The following SHROOM3 variants were observed in gnomAD, a reference collection of about 807,000 sequenced individuals.
SHROOM3 encodes protein Shroom3.
SHROOM3 carries 47 observed loss-of-function variants against 138.6 expected under a neutral mutation model. That is an observed-to-expected ratio of 0.34 (90% confidence interval 0.27 to 0.43). The LOEUF is 0.43. Ranked by LOEUF, SHROOM3 falls within the 20% of genes least tolerant of loss-of-function variation. The probability of loss-of-function intolerance (pLI) is 1.00; values close to 1 mark genes in which losing one functional copy is unlikely to be tolerated. For missense variants in SHROOM3, 2,491 were observed against 2,596.5 expected, an observed-to-expected ratio of 0.96 and a Z score of 0.88; for synonymous variants, 1,062 against 1,063.3, an observed-to-expected ratio of 1.00 and a Z score of 0.02.
chr4:76,638,032 G>T (rs963287508), intron 2 of SHROOM3, among the ~76,000 whole-genome samples: 2 of 152,168 alleles, frequency 1.3e-5, no homozygotes, highest in African/African-American at 4.8e-5. Flanking sequence ...GTGACTATGA[G>T]CTGGACACCT....
chr4:76,485,527 A>G (rs1239174802), intron 1 of SHROOM3, among the ~76,000 whole-genome samples: 2 of 152,320 alleles, frequency 1.3e-5, no homozygotes, highest in Admixed American at 6.5e-5. Flanking sequence ...CGTTTTGCAC[A>G]AAACAGGAAG....
Position 76,597,533 on chromosome 4 carries a change from G to A in SHROOM3, c.323+41770G>A, listed in dbSNP as rs377211227. Among the ~76,000 whole-genome samples, 7 of 152,094 alleles carry A rather than the reference G, an allele frequency of 4.6e-5. No individual in the cohort carries two copies. In the South Asian group the frequency reaches 1.5e-3, roughly 32 times the overall value. On this transcript the variant is annotated intron_variant, in intron 2 of 10. Coordinates refer to ENST00000296043, the MANE Select transcript of SHROOM3 (RefSeq NM_020859.4). Reference sequence around the variant, plus strand: ...AGTAGAGGGTCCCACAAATTCCCACGCACCCACCCTCCAGCTGGATGGCTC... The same window carrying A: ...AGTAGAGGGTCCCACAAATTCCCACACACCCACCCTCCAGCTGGATGGCTC...
chr4:76,762,873 C>T (rs1722030267), intron 9 of SHROOM3, among the ~76,000 whole-genome samples: 1 of 151,962 alleles, frequency 6.6e-6, no homozygotes, highest in Non-Finnish European at 1.5e-5. Context: ...GTTCCTGACT[C>T]AAGAGAGTAG....
At chr4:76,763,254 G>A (rs1578028989) in intron 9 of SHROOM3, among the ~76,000 whole-genome samples, 1 of 152,026 alleles carries the variant, frequency 6.6e-6, no homozygotes, top group Non-Finnish European at 1.5e-5. Context: ...AGGTGTGTTG[G>A]CGCACAACTG....
chr4:76,461,312 A>G (rs1250730280), intron 1 of SHROOM3, among the ~76,000 whole-genome samples: 2 of 152,246 alleles, frequency 1.3e-5, no homozygotes, highest in Non-Finnish European at 2.9e-5. Flanking sequence ...TGAATATCTC[A>G]TGTGGTACTC....
At position 76,772,221 on chromosome 4, in the gene SHROOM3, G is replaced by A. The variant is rs113922703; in HGVS notation, c.5622+1323G>A. On this transcript the variant is annotated intron_variant, in intron 10 of 10. Coordinates refer to ENST00000296043, the MANE Select transcript of SHROOM3 (RefSeq NM_020859.4). ...CGTATTCATGCCATTCTCATGCCTCGGCCTCCCAAGTAGCTGAGATTACAG... is the reference window on the plus strand; with the variant it reads ...CGTATTCATGCCATTCTCATGCCTCAGCCTCCCAAGTAGCTGAGATTACAG... Among the ~76,000 whole-genome samples the A allele has an allele frequency of 4.0e-3, 607 of 150,078 alleles. 1 individual carries two copies. The highest frequency in any genetic ancestry group is 0.014 in the African/African-American group (583 of 40,810).
chr4:76,556,406 C>T (rs931052971), intron 2 of SHROOM3, among the ~76,000 whole-genome samples: 14 of 152,200 alleles, frequency 9.2e-5, no homozygotes, highest in African/African-American at 3.4e-4. Flanking sequence ...TTTTACACAT[C>T]TTAGCTCATT....
chr4:76,640,098 C>G (rs1462940069), intron 2 of SHROOM3, among the ~76,000 whole-genome samples: 1 of 152,058 alleles, frequency 6.6e-6, no homozygotes, highest in Non-Finnish European at 1.5e-5. Flanking sequence ...TTATTACAAG[C>G]AGATAAAGGG....
chr4:76,466,512 G>C (rs1731252136), intron 1 of SHROOM3, among the ~76,000 whole-genome samples: 2 of 152,218 alleles, frequency 1.3e-5, no homozygotes, highest in African/African-American at 4.8e-5. Context: ...CAGGAACTAA[G>C]AGCAGTGTCT....
At chr4:76,645,116 T>G (rs993305758) in intron 2 of SHROOM3, among the ~76,000 whole-genome samples, 4 of 152,224 alleles carry the variant, frequency 2.6e-5, no homozygotes, top group Non-Finnish European at 4.4e-5. Flanking sequence ...TCTCTTTATC[T>G]CTTTTACAAG....
At chr4:76,720,217 C>A (rs1720500771) in intron 3 of SHROOM3, among the ~76,000 whole-genome samples, 2 of 124,354 alleles carry the variant, frequency 1.6e-5, no homozygotes, top group South Asian at 2.6e-4. Context: ...TCTTGAGGAG[C>A]CTGGAAGTAG....
chr4:76,465,795 T>C lies in SHROOM3; in HGVS notation c.168+29575T>C, dbSNP rs557946433. On this transcript the variant is annotated intron_variant, in intron 1 of 10. Coordinates refer to ENST00000296043, the MANE Select transcript of SHROOM3 (RefSeq NM_020859.4). ...CTGACTATTAGATTGTTGACAAATATAAGATTGCTGGGCCTTGGGAAAGCA... is the reference window on the plus strand; with the variant it reads ...CTGACTATTAGATTGTTGACAAATACAAGATTGCTGGGCCTTGGGAAAGCA... Among the ~76,000 whole-genome samples the C allele has an allele frequency of 4.3e-4, 65 of 152,314 alleles. No individual in the cohort carries two copies. The South Asian group carries it at 5.4e-3, about 13-fold the overall frequency.
Position 76,739,909 on chromosome 4 carries a change from A to G in SHROOM3, c.1736A>G (p.Gln579Arg). Residue 579 changes from glutamine to arginine, a missense_variant, in exon 5 of 11, where the codon CAA (glutamine) becomes CGA (arginine). Physicochemically the swap from Gln to Arg is conservative, Grantham distance 43. Coordinates refer to ENST00000296043, the MANE Select transcript of SHROOM3 (RefSeq NM_020859.4). The part of the protein sequence containing the change: ...ASLKRHLTPP[Q>R]GNSPHSNERK... ...CTGAAGAGACATCTCACACCTCCCC[A>G]AGGCAACAGCCCACATTCCAATGAG... is the stretch of plus-strand genomic sequence containing the variant. 1 of 1,614,206 alleles carries G rather than the reference A, an allele frequency of 6.2e-7. No homozygotes were observed. Among genetic ancestry groups the G allele is most frequent in the Admixed American group, 1.7e-5 (1 of 60,032 alleles).
At chr4:76,683,214 G>A (rs1355571671) in intron 2 of SHROOM3, among the ~76,000 whole-genome samples, 1 of 152,038 alleles carries the variant, frequency 6.6e-6, no homozygotes, top group Non-Finnish European at 1.5e-5. Flanking sequence ...TCTATTATGT[G>A]TTTTATTTTT....
chr4:76,498,620 A>G (rs1332989790), intron 1 of SHROOM3, among the ~76,000 whole-genome samples: 1 of 152,046 alleles, frequency 6.6e-6, no homozygotes, highest in Admixed American at 6.6e-5. Flanking sequence ...ATAGAAACTG[A>G]ATTCCTTCTT....
At chr4:76,614,271 C>A (rs1560565434) in intron 2 of SHROOM3, among the ~76,000 whole-genome samples, 1 of 151,924 alleles carries the variant, frequency 6.6e-6, no homozygotes, top group Non-Finnish European at 1.5e-5. Flanking sequence ...AGCCAGGATG[C>A]TTTCGATCTG....
intron 2 of SHROOM3, among the ~76,000 whole-genome samples, chr4:76,708,093 T>TAC (rs762023142): frequency 6.6e-6 from 1 of 152,212 alleles, no homozygotes; most frequent in Non-Finnish European, 1.5e-5. Context: ...TAATTTCAGC[T>TAC]GGTCCTGTAG....
intron 1 of SHROOM3, among the ~76,000 whole-genome samples, chr4:76,550,773 A>T (rs1486776774): frequency 6.6e-6 from 1 of 151,870 alleles, no homozygotes; most frequent in East Asian, 2.0e-4. Flanking sequence ...CTGAAGCGGG[A>T]GGCTTGCTTG....
At chr4:76,642,523 C>T (rs1735700173) in intron 2 of SHROOM3, among the ~76,000 whole-genome samples, 2 of 152,068 alleles carry the variant, frequency 1.3e-5, no homozygotes, top group Admixed American at 6.6e-5. Flanking sequence ...GGCAAAGGCT[C>T]AGGATTAGGA....
Sources: allele counts gnomAD v4.1 joint callset (sites outside exome capture counted in the v4.1 genomes callset), GRCh38; gene constraint gnomAD v4.1.1; transcripts MANE v1.5; gene names NCBI Gene and HGNC (gene_info 2026-07-23, HGNC 2026-07-21).